Variants in FBXW7 observed in about 807,000 individuals in gnomAD.
FBXW7 encodes F-box and WD repeat domain containing 7.
In FBXW7, 11 loss-of-function variants were observed where a neutral mutation model predicts 86.3. The ratio of observed to expected loss-of-function variants is 0.13; its 90% confidence interval spans 0.08 to 0.21. The LOEUF (loss-of-function observed/expected upper bound fraction) is 0.21, where lower values mean the gene tolerates loss of function less well. FBXW7 is among the 10% of genes least tolerant of loss of function. The pLI is 1.00. For missense variants in FBXW7, 488 were observed against 847.4 expected (o/e 0.58, Z 5.27); for synonymous variants, 313 against 297.9 (o/e 1.05, Z -0.52).
At chr4:152,531,234 A>G (rs1749998961) in intron 2 of FBXW7, among the ~76,000 whole-genome samples, 1 of 152,234 alleles carries the variant, frequency 6.6e-6, no homozygotes, top group African/African-American at 2.4e-5. Context: ...CTTCGACTGC[A>G]CAAAAAATGT....
At position 152,322,822 on chromosome 4, in the gene FBXW7, G is replaced by C. The variant is rs1002037504; in HGVS notation, c.*59C>G. The C allele has an allele frequency of 1.3e-6, 2 of 1,567,424 alleles. No individual in the cohort carries two copies. The highest frequency in any genetic ancestry group is 1.7e-6 in the Non-Finnish European group (2 of 1,159,366). The stretch of plus-strand genomic sequence containing the variant: ...TTTCTTTTCTTTTTTTCTTTTTGCA[G>C]GGGGAAGGGCAGGGAGTATATCGTC... On this transcript the variant is annotated 3_prime_UTR_variant, in exon 14 of 14. Coordinates refer to ENST00000281708, the MANE Select transcript of FBXW7 (RefSeq NM_001349798.2).
chr4:152,397,545 G>C (rs1202540818), intron 4 of FBXW7, among the ~76,000 whole-genome samples: 1 of 151,318 alleles, frequency 6.6e-6, no homozygotes, highest in Non-Finnish European at 1.5e-5. Flanking sequence ...TCTTTTAACT[G>C]AACATTAACA....
chr4:152,371,659 C>A lies in FBXW7; in HGVS notation c.502-21535G>T, dbSNP rs187567851. Among the ~76,000 whole-genome samples, 302 of 152,092 alleles carry A rather than the reference C, an allele frequency of 2.0e-3. 1 individual carries two copies. The highest frequency in any genetic ancestry group is 6.3e-3 in the African/African-American group (262 of 41,532). On this transcript the variant is annotated intron_variant, in intron 4 of 13. Transcript: ENST00000281708. ...ATAATTTAATAAAGGAGTCTGATGA[C>A]ACACTGTATGTTGGCACAAACTGCC...
chr4:152,449,336 A>G (rs1195227961), intron 2 of FBXW7, among the ~76,000 whole-genome samples: 1 of 152,228 alleles, frequency 6.6e-6, no homozygotes, highest in Non-Finnish European at 1.5e-5. Context: ...TGTAGACAGT[A>G]GCTAATACAA....
At chr4:152,485,804 C>T (rs1287032297) in intron 2 of FBXW7, among the ~76,000 whole-genome samples, 1 of 152,108 alleles carries the variant, frequency 6.6e-6, no homozygotes, top group Non-Finnish European at 1.5e-5. Flanking sequence ...AATGAGGGGG[C>T]ATGTCAAAGA....
chr4:152,333,784 T>C (rs1488617208), intron 7 of FBXW7, among the ~76,000 whole-genome samples: 6 of 152,164 alleles, frequency 3.9e-5, no homozygotes, highest in Non-Finnish European at 5.9e-5. Context: ...CTGGGTGTGG[T>C]GGCTCACTCC....
At chr4:152,374,045 AAGGATCT>A (rs1734249577) in intron 4 of FBXW7, among the ~76,000 whole-genome samples, 1 of 152,062 alleles carries the variant, frequency 6.6e-6, no homozygotes, top group Non-Finnish European at 1.5e-5. Flanking sequence ...AAAAACACCA[AAGGATCT>A]GGAAATGTTT....
At chr4:152,385,349 AATAAAG>A (rs1460286139) in intron 4 of FBXW7, among the ~76,000 whole-genome samples, 3 of 152,044 alleles carry the variant, frequency 2.0e-5, no homozygotes, top group South Asian at 2.1e-4. Context: ...TCCACTGGTT[AATAAAG>A]ATAATGTATT....
At chr4:152,453,930 T>C (rs1221457437) in intron 2 of FBXW7, among the ~76,000 whole-genome samples, 1 of 152,124 alleles carries the variant, frequency 6.6e-6, no homozygotes, top group Non-Finnish European at 1.5e-5. Context: ...TATTGCTTTA[T>C]CTATCTTTTA....
At chr4:152,485,325 C>T (rs542267013) in intron 2 of FBXW7, among the ~76,000 whole-genome samples, 16 of 152,072 alleles carry the variant, frequency 1.1e-4, no homozygotes, top group South Asian at 2.1e-4. Flanking sequence ...ATAAGCATAG[C>T]GATCTGACTA....
intron 4 of FBXW7, among the ~76,000 whole-genome samples, chr4:152,385,253 A>C (rs1190634014): frequency 1.3e-5 from 2 of 152,082 alleles, no homozygotes; most frequent in Non-Finnish European, 2.9e-5. Flanking sequence ...AAAAATTAGA[A>C]GAGGGTAATA....
chr4:152,404,498 T>A (rs940453087), intron 4 of FBXW7, among the ~76,000 whole-genome samples: 1 of 152,242 alleles, frequency 6.6e-6, no homozygotes, highest in African/African-American at 2.4e-5. Flanking sequence ...TAAAAATGTA[T>A]GTTTGCTTCA....
At chr4:152,471,299 A>G (rs911256971) in intron 2 of FBXW7, among the ~76,000 whole-genome samples, 2 of 151,900 alleles carry the variant, frequency 1.3e-5, no homozygotes, top group Non-Finnish European at 2.9e-5. Flanking sequence ...GATTTAATAC[A>G]CAGCACATAA....
intron 9 of FBXW7, 83 bp from the exon 10 acceptor site, chr4:152,329,868 A>T: frequency 1.6e-6 from 1 of 634,782 alleles, no homozygotes; most frequent in Non-Finnish European, 2.5e-6. Context: ...ATGAAGGCAT[A>T]AACAGGAACA....
chr4:152,359,613 A>AAAAAC (rs200795248), intron 4 of FBXW7, among the ~76,000 whole-genome samples: 2,164 of 152,032 alleles, frequency 0.014, 26 homozygotes, highest in Middle Eastern at 0.034. Flanking sequence ...AAAAACTACC[A>AAAAAC]AAAACAAAAC....
intron 2 of FBXW7, among the ~76,000 whole-genome samples, chr4:152,519,497 A>T (rs986225303): frequency 6.6e-6 from 1 of 152,168 alleles, no homozygotes; most frequent in Non-Finnish European, 1.5e-5. Flanking sequence ...TCACTCAACA[A>T]CACATTTCAC....
chr4:152,484,476 C>T (rs944682457), intron 2 of FBXW7, among the ~76,000 whole-genome samples: 8 of 151,950 alleles, frequency 5.3e-5, no homozygotes, highest in African/African-American at 1.5e-4. Context: ...TACTTGGCTA[C>T]ACATACAAGG....
intron 2 of FBXW7, chr4:152,530,567 C>A (rs915383849): frequency 6.6e-6 from 1 of 152,206 alleles, no homozygotes; most frequent in East Asian, 1.9e-4. Flanking sequence ...CACCCCGACC[C>A]TCAATCCATA....
intron 2 of FBXW7, among the ~76,000 whole-genome samples, chr4:152,533,836 C>T (rs1750227776): frequency 6.6e-6 from 1 of 152,160 alleles, no homozygotes; most frequent in Admixed American, 6.5e-5. Context: ...TTAAATTAAT[C>T]TAATCAAGAT....
Sources: allele counts gnomAD v4.1 joint callset (sites outside exome capture counted in the v4.1 genomes callset), GRCh38; gene constraint gnomAD v4.1.1; transcripts MANE v1.5; gene names NCBI Gene and HGNC (gene_info 2026-07-23, HGNC 2026-07-21).